Variants in CCDC77 observed in about 807,000 individuals in gnomAD.
CCDC77 encodes the protein coiled-coil domain-containing protein 77.
A neutral mutation model predicts 66.8 loss-of-function variants in CCDC77; 56 were observed. That is an observed-to-expected ratio of 0.84 (90% CI 0.68 to 1.05). CCDC77 has a LOEUF of 1.05. CCDC77 is among the 50% of genes least tolerant of loss of function. The pLI is 0.00. For missense variants in CCDC77, 570 were observed against 576.8 expected (o/e 0.99, Z 0.12); for synonymous variants, 196 against 195.2 (o/e 1.00, Z -0.03).
chr12:431,786 G>A, intron 7 of CCDC77, 80 bp from the exon 8 acceptor site: 1 of 873,028 alleles, frequency 1.1e-6, no homozygotes. Context: ...GAACTCCTCT[G>A]CGTGGGAAAT....
Position 411,894 on chromosome 12 carries a change from T to C in CCDC77, c.186T>C (p.Tyr62=). ...CTTCTAAGGAGCTCCTGGAATATTATCAAAAGAAGATGGCTGAGTGTGAGG... is the reference window on the plus strand; with the variant it reads ...CTTCTAAGGAGCTCCTGGAATATTACCAAAAGAAGATGGCTGAGTGTGAGG... ...LHPSKELLEY[Y]QKKMAECEAE... The change falls in exon 4 of 13, where the codon TAT becomes TAC. Residue 62 remains tyrosine, a synonymous_variant. Transcript: ENST00000239830. 10 of 1,613,906 alleles carry C rather than the reference T, an allele frequency of 6.2e-6. No homozygotes were observed. Among genetic ancestry groups the C allele is most frequent in the Non-Finnish European group, 8.5e-6 (10 of 1,179,992 alleles).
Position 441,936 on chromosome 12 carries a change from A to G in CCDC77, c.*16A>G. 2 of 1,613,662 alleles carry G rather than the reference A, an allele frequency of 1.2e-6. No individual in the cohort carries two copies. Among genetic ancestry groups the G allele is most frequent in the Non-Finnish European group, 1.7e-6 (2 of 1,179,786 alleles). Reference sequence around the variant, plus strand: ...ACTCTGTTAATGTCTACTTTTGGAAATGGCCCCCATTTAGAAGAGGTGTGC... The same window carrying G: ...ACTCTGTTAATGTCTACTTTTGGAAGTGGCCCCCATTTAGAAGAGGTGTGC... On this transcript the variant is annotated 3_prime_UTR_variant, in exon 13 of 13. Coordinates refer to ENST00000239830, the MANE Select transcript of CCDC77 (RefSeq NM_032358.4).
chr12:436,472 C>T (rs1381080102), intron 9 of CCDC77, among the ~76,000 whole-genome samples: 4 of 152,098 alleles, frequency 2.6e-5, no homozygotes, highest in Non-Finnish European at 5.9e-5. Context: ...AACCTGCCCA[C>T]CTCAGCCTCC....
chr12:402,984 T>C (rs1000537905), intron 1 of CCDC77, among the ~76,000 whole-genome samples: 3 of 152,208 alleles, frequency 2.0e-5, no homozygotes, highest in African/African-American at 7.2e-5. Context: ...AGCTTTGAGA[T>C]GCTAAAAAAA....
At chr12:436,179 A>G (rs1454611123) in intron 9 of CCDC77, among the ~76,000 whole-genome samples, 5 of 139,040 alleles carry the variant, frequency 3.6e-5, no homozygotes, top group East Asian at 2.2e-4. Flanking sequence ...GTGCAGTGGC[A>G]CAATCTCGGC....
chr12:423,470 G>GTTTTTTTTTTTTTTTTTTT (rs1307027692), intron 5 of CCDC77, among the ~76,000 whole-genome samples: 1 of 44,846 alleles, frequency 2.2e-5, no homozygotes, highest in Non-Finnish European at 4.5e-5. Context: ...TGTTTTTTGT[G>GTTTTTTTTTTTTTTTTTTT]TTTTTTGTGT....
chr12:441,758 T>TC lies in CCDC77; in HGVS notation c.1321-16_1321-15insC, dbSNP rs775986397. On this transcript the variant is annotated splice_polypyrimidine_tract_variant and intron_variant, in intron 12 of 12. Coordinates refer to ENST00000239830, the MANE Select transcript of CCDC77 (RefSeq NM_032358.4). ...CCATCATCATTTCTTTTTTTTTTTTTTTTTCAAACCCCTAGGCAACAGTTA... is the reference window on the plus strand; with the variant it reads ...CCATCATCATTTCTTTTTTTTTTTTTCTTTTCAAACCCCTAGGCAACAGTTA... 92 of 1,582,710 alleles carry TC rather than the reference T, an allele frequency of 5.8e-5. No homozygotes were observed. Among genetic ancestry groups the TC allele is most frequent in the Admixed American group, 7.7e-5 (4 of 51,918 alleles).
intron 5 of CCDC77, among the ~76,000 whole-genome samples, chr12:424,856 G>A (rs1346345484): frequency 6.6e-6 from 1 of 150,628 alleles, no homozygotes; most frequent in Admixed American, 6.6e-5. Flanking sequence ...TCATTATTTT[G>A]CATGTGGATG....
At chr12:415,455 CATAATTATTAACATA>C in intron 4 of CCDC77, among the ~76,000 whole-genome samples, 1 of 136,926 alleles carries the variant, frequency 7.3e-6, no homozygotes, top group East Asian at 2.0e-4. Flanking sequence ...TTAATATTAA[CATAATTATTAACATA>C]ATAATATGTT....
chr12:440,814 C>G (rs773507971), intron 11 of CCDC77, 30 bp from the exon 12 acceptor site: 1 of 1,613,000 alleles, frequency 6.2e-7, no homozygotes, highest in Non-Finnish European at 8.5e-7. Context: ...CCCTCACCTT[C>G]GTAAATGCCT....
intron 4 of CCDC77, among the ~76,000 whole-genome samples, chr12:416,314 T>G (rs1945255408): frequency 7.9e-6 from 1 of 126,980 alleles, no homozygotes; most frequent in South Asian, 2.8e-4. Flanking sequence ...TTTATGTGTG[T>G]GTGTGTGTGT....
chr12:423,308 A>T (rs199772438), intron 5 of CCDC77, among the ~76,000 whole-genome samples: 223 of 130,676 alleles, frequency 1.7e-3, no homozygotes, highest in South Asian at 0.011. Context: ...ATATATATAT[A>T]TTTTTTTTTT....
chr12:416,761 TC>T (rs1451628636), intron 4 of CCDC77, among the ~76,000 whole-genome samples: 1 of 152,032 alleles, frequency 6.6e-6, no homozygotes, highest in Non-Finnish European at 1.5e-5. Context: ...AGATCATTTC[TC>T]CCCACACTCC....
At chr12:423,484 TTTTTGTTTTG>T (rs1565572223) in intron 5 of CCDC77, among the ~76,000 whole-genome samples, 656 of 33,572 alleles carry the variant, frequency 0.02, 79 homozygotes, top group African/African-American at 0.047. Context: ...TTTGTGTTTT[TTTTTGTTTTG>T]TTTTTTTTTT....
At chr12:406,156 C>T (rs1052695365) in intron 2 of CCDC77, among the ~76,000 whole-genome samples, 9 of 152,092 alleles carry the variant, frequency 5.9e-5, no homozygotes, top group Non-Finnish European at 7.3e-5. Context: ...GCAGTCTATC[C>T]GCCTTGGCCT....
At chr12:389,871 C>T (rs1462743701) in intron 1 of CCDC77, 1 of 152,314 alleles carries the variant, frequency 6.6e-6, no homozygotes, top group African/African-American at 2.4e-5. Flanking sequence ...CACTTTATAC[C>T]CGCCTCTTCT....
intron 9 of CCDC77, among the ~76,000 whole-genome samples, chr12:437,798 A>G (rs891341321): frequency 1.4e-5 from 2 of 146,340 alleles, no homozygotes; most frequent in Non-Finnish European, 3.0e-5. Flanking sequence ...GTGAGCTGTG[A>G]TCGTGCCTCT....
At chr12:398,977 C>A (rs752447927), upstream of CCDC77, among the ~76,000 whole-genome samples, 1 of 151,952 alleles carries the variant, frequency 6.6e-6, no homozygotes, top group Non-Finnish European at 1.5e-5. Flanking sequence ...GTCATGCACT[C>A]CTGAGCTTAA....
At position 411,977 on chromosome 12, in the gene CCDC77, A is replaced by T. The variant is rs773391159; in HGVS notation, c.269A>T (p.Gln90Leu). The T allele has an allele frequency of 2.5e-6, 4 of 1,608,902 alleles. No individual in the cohort carries two copies. In the Admixed American group the frequency reaches 5.0e-5, roughly 20 times the overall value. The stretch of plus-strand genomic sequence containing the variant: ...CTCTACAAAGAAGCTTGTGAAGGAC[A>T]GGTAAAGAAACGATGCTGCTGCTTT... The part of the protein sequence containing the change: ...LELYKEACEG[Q>L]HKLECDLQQR... The change falls in exon 4 of 13, where the codon CAG (glutamine) becomes CTG (leucine). Residue 90 changes from glutamine (Q) to leucine (L), a missense_variant and splice_region_variant. Physicochemically the swap from Gln to Leu is moderately radical, Grantham distance 113. Coordinates refer to ENST00000239830, the MANE Select transcript of CCDC77 (RefSeq NM_032358.4).
Sources: allele counts gnomAD v4.1 joint callset (sites outside exome capture counted in the v4.1 genomes callset), GRCh38; gene constraint gnomAD v4.1.1; transcripts MANE v1.5; gene names NCBI Gene and HGNC (gene_info 2026-07-23, HGNC 2026-07-21).